The following HNF4A variants were observed in gnomAD, a reference collection of about 807,000 sequenced individuals.
The protein encoded by HNF4A is hepatocyte nuclear factor 4-alpha.
HNF4A carries 15 observed loss-of-function variants against 52.4 expected under a neutral mutation model. That is an observed-to-expected ratio of 0.29 (90% CI 0.19 to 0.44). HNF4A has a LOEUF of 0.44. Ranked by LOEUF, HNF4A falls within the 20% of genes least tolerant of loss-of-function variation. The pLI is 1.00. For missense variants in HNF4A, 479 were observed against 647.2 expected (o/e 0.74, Z 2.82); for synonymous variants, 280 against 264.4 (o/e 1.06, Z -0.57).
chr20:44,422,835 C>T (rs929927850), intron 7 of HNF4A, among the ~76,000 whole-genome samples: 7 of 151,842 alleles, frequency 4.6e-5, no homozygotes, highest in Admixed American at 1.3e-4. Context: ...TGTGTCACCA[C>T]GCCAGGTGAA....
intron 3 of HNF4A, among the ~76,000 whole-genome samples, chr20:44,412,278 T>C (rs149908599): frequency 3.4e-4 from 52 of 152,078 alleles, no homozygotes; most frequent in Middle Eastern, 6.8e-3. Flanking sequence ...ATAAGTGACT[T>C]GAAGAAAAAT....
chr20:44,371,687 T>C (rs1344141169), intron 1 of HNF4A, among the ~76,000 whole-genome samples: 1 of 152,066 alleles, frequency 6.6e-6, no homozygotes, highest in Admixed American at 6.6e-5. Flanking sequence ...TAGCCAGGCA[T>C]GCTGGAGCAC....
intron 7 of HNF4A, among the ~76,000 whole-genome samples, chr20:44,420,421 C>T (rs2063728373): frequency 6.6e-6 from 1 of 152,170 alleles, no homozygotes. Context: ...ATCCTTCTTT[C>T]TCTTTACTTC....
intron 1 of HNF4A, among the ~76,000 whole-genome samples, chr20:44,376,276 T>A (rs6093971): frequency 0.022 from 3,410 of 151,908 alleles, 56 homozygotes; most frequent in Non-Finnish European, 0.036. Flanking sequence ...AAGAAAAAAA[T>A]ATATATATAG....
At chr20:44,387,588 C>T (rs1402953640) in intron 1 of HNF4A, among the ~76,000 whole-genome samples, 2 of 144,570 alleles carry the variant, frequency 1.4e-5, no homozygotes, top group East Asian at 4.2e-4. Context: ...CACCCTTGGC[C>T]CCTGAGTGAA....
Position 44,401,305 on chromosome 20 carries a change from G to T in HNF4A, c.-68G>T, listed in dbSNP as rs566155738. ...CACTGGGAGGAGGCAGTGGGAGGGC[G>T]GAGGGCGGGGGCCTTCGGGGTGGGC... On this transcript the variant is annotated 5_prime_UTR_variant, in exon 1 of 10. Transcript: ENST00000316099. The T allele has an allele frequency of 3.9e-5, 62 of 1,609,364 alleles. No individual in the cohort carries two copies. Among genetic ancestry groups the T allele is most frequent in the Non-Finnish European group, 4.9e-5 (58 of 1,179,060 alleles).
chr20:44,389,186 C>G lies in HNF4A; in HGVS notation c.50-16872C>G, dbSNP rs570960286. Among the ~76,000 whole-genome samples, 542 of 152,358 alleles carry G rather than the reference C, an allele frequency of 3.6e-3. 2 individuals are homozygous for G. Among genetic ancestry groups the G allele is most frequent in the African/African-American group, 0.013 (523 of 41,584 alleles). The stretch of plus-strand genomic sequence containing the variant: ...GGCAAAGGCCACTAGCTCAGGGGAT[C>G]GTCCTGCCCATCCCCAGGTGCTATC... On this transcript the variant is annotated intron_variant, in intron 1 of 9. Transcript: ENST00000316673.
At chr20:44,419,969 C>G (rs763408707) in intron 7 of HNF4A, 93 bp downstream of exon 7, 3 of 1,289,584 alleles carry the variant, frequency 2.3e-6, no homozygotes, top group Middle Eastern at 1.8e-4. Context: ...GAGTTCACAG[C>G]CTCATCTCAT....
intron 9 of HNF4A, 140 bp from the exon 10 acceptor site, chr20:44,429,383 T>C: frequency 1.1e-6 from 1 of 903,776 alleles, no homozygotes; most frequent in South Asian, 1.5e-5. Flanking sequence ...TCTGGTTTAA[T>C]TAATTCTCTC....
chr20:44,375,705 G>C (rs1046298388), intron 1 of HNF4A, among the ~76,000 whole-genome samples: 3 of 152,080 alleles, frequency 2.0e-5, no homozygotes, highest in African/African-American at 7.2e-5. Flanking sequence ...CAGACAAGAA[G>C]GATTCTATTG....
rs1270382429 is a variant in HNF4A, at chr20:44,360,967, G to T, written c.49+5114G>T. ...ATAGAAGCTATAACAAACATGCCGT[G>T]TCCTTGTGAAGGGTGGATAGGCCCA... On this transcript the variant is annotated intron_variant, in intron 1 of 9. Coordinates refer to the HNF4A transcript ENST00000316673. Among the ~76,000 whole-genome samples the T allele has an allele frequency of 4.6e-5, 7 of 152,186 alleles. No individual in the cohort carries two copies. In the East Asian group the frequency reaches 1.2e-3, roughly 25 times the overall value.
chr20:44,400,259 T>C (rs1237657514), upstream of HNF4A, among the ~76,000 whole-genome samples: 1 of 151,700 alleles, frequency 6.6e-6, no homozygotes, highest in Non-Finnish European at 1.5e-5. Flanking sequence ...GCACTGGCGA[T>C]ACCCCCACAA....
chr20:44,418,812 G>C (rs1419824044), intron 6 of HNF4A, among the ~76,000 whole-genome samples: 4 of 152,130 alleles, frequency 2.6e-5, no homozygotes, highest in African/African-American at 9.7e-5. Context: ...GTCTTGCTCT[G>C]TCACTCAGGC....
intron 1 of HNF4A, among the ~76,000 whole-genome samples, chr20:44,374,402 G>A (rs2063064063): frequency 6.6e-6 from 1 of 152,042 alleles, no homozygotes; most frequent in Non-Finnish European, 1.5e-5. Context: ...TAGTGTATAT[G>A]TACCACATTT....
intron 5 of HNF4A, among the ~76,000 whole-genome samples, chr20:44,418,119 G>A (rs2063691890): frequency 6.6e-6 from 1 of 151,984 alleles, no homozygotes; most frequent in Admixed American, 6.6e-5. Context: ...GAAAAAAAAA[G>A]CACACAGAAT....
intron 7 of HNF4A, among the ~76,000 whole-genome samples, chr20:44,423,387 G>A (rs2063773898): frequency 2.0e-5 from 3 of 152,172 alleles, no homozygotes. Flanking sequence ...ACAGTTGGAT[G>A]GCACAACAAT....
intron 1 of HNF4A, among the ~76,000 whole-genome samples, chr20:44,357,608 G>C (rs553797536): frequency 6.6e-6 from 1 of 152,272 alleles, no homozygotes; most frequent in African/African-American, 2.4e-5. Flanking sequence ...CTTGTAGGAT[G>C]TCCTCATGTC....
chr20:44,392,819 A>C (rs1371315461), intron 1 of HNF4A, among the ~76,000 whole-genome samples: 1 of 152,192 alleles, frequency 6.6e-6, no homozygotes, highest in Non-Finnish European at 1.5e-5. Flanking sequence ...AGCAGCTTAC[A>C]TGAAGCCCTA....
At chr20:44,427,429 T>C (rs1037923116) in intron 8 of HNF4A, among the ~76,000 whole-genome samples, 7 of 152,302 alleles carry the variant, frequency 4.6e-5, no homozygotes, top group Middle Eastern at 3.4e-3. Context: ...GGAAGTGCTA[T>C]ACAACAGTAC....
Sources: gnomAD v4.1 joint callset for allele counts (sites outside exome capture counted in the v4.1 genomes callset) on GRCh38, gnomAD v4.1.1 for gene constraint, MANE v1.5 for transcripts, NCBI Gene and HGNC (gene_info 2026-07-23, HGNC 2026-07-21) for gene names.